Variants in RALGPS1 observed in about 807,000 individuals in gnomAD.
RALGPS1 encodes Ral GEF with PH domain and SH3 binding motif 1, also known as ras-specific guanine nucleotide-releasing factor RalGPS1.
Under a neutral mutation model 78.8 loss-of-function variants are expected in RALGPS1, and 19 were observed. That is an observed-to-expected ratio of 0.24 (90% CI 0.17 to 0.35). The LOEUF is 0.35. Ranked by LOEUF, RALGPS1 falls within the 10% of genes least tolerant of loss-of-function variation. The pLI is 1.00. For missense variants in RALGPS1, 454 were observed against 688.3 expected (o/e 0.66, Z 3.81); for synonymous variants, 228 against 256.3 (o/e 0.89, Z 1.06).
chr9:127,025,942 A>G (rs1295206357), intron 4 of RALGPS1, among the ~76,000 whole-genome samples: 1 of 152,144 alleles, frequency 6.6e-6, no homozygotes, highest in Non-Finnish European at 1.5e-5. Context: ...GGGCTCAAGC[A>G]GTCCTCCTGC....
chr9:126,994,539 CA>C (rs2042561339), intron 4 of RALGPS1, among the ~76,000 whole-genome samples: 1 of 145,880 alleles, frequency 6.9e-6, no homozygotes, highest in South Asian at 2.2e-4. Context: ...GTGAAAAGAC[CA>C]AATCTACGTC....
chr9:127,105,238 A>G (rs2054107608), intron 8 of RALGPS1, among the ~76,000 whole-genome samples: 1 of 152,212 alleles, frequency 6.6e-6, no homozygotes, highest in Non-Finnish European at 1.5e-5. Flanking sequence ...ATAAATTCTA[A>G]TGCATTCCAG....
At chr9:127,201,962 C>T (rs536579217) in intron 14 of RALGPS1, among the ~76,000 whole-genome samples, 126 of 152,306 alleles carry the variant, frequency 8.3e-4, no homozygotes, top group African/African-American at 3.0e-3. Flanking sequence ...CAGGGGAGGC[C>T]TGGGCCACGC....
At chr9:127,099,596 G>A (rs749028665) in intron 8 of RALGPS1, among the ~76,000 whole-genome samples, 37 of 152,344 alleles carry the variant, frequency 2.4e-4, no homozygotes, top group Admixed American at 5.2e-4. Flanking sequence ...GATGGGGTGT[G>A]AGGGGTGGCT....
chr9:127,037,839 C>T (rs2134806015), intron 5 of RALGPS1, among the ~76,000 whole-genome samples: 1 of 152,354 alleles, frequency 6.6e-6, no homozygotes. Context: ...GATCTAATCA[C>T]TGTGACCAGG....
At chr9:127,200,920 CATTCTTTCACTCGCTT>C in intron 14 of RALGPS1, among the ~76,000 whole-genome samples, 1 of 152,252 alleles carries the variant, frequency 6.6e-6, no homozygotes, top group South Asian at 2.1e-4. Flanking sequence ...TTGATTGATT[CATTCTTTCACTCGCTT>C]ATTCCTTCAT....
chr9:127,173,844 C>T (rs1004536816), intron 10 of RALGPS1, among the ~76,000 whole-genome samples: 4 of 152,166 alleles, frequency 2.6e-5, no homozygotes, highest in African/African-American at 9.7e-5. Flanking sequence ...GAAACCCCAC[C>T]TCTACTAAAA....
chr9:126,971,407 A>G (rs548285218), intron 3 of RALGPS1, among the ~76,000 whole-genome samples: 13 of 152,292 alleles, frequency 8.5e-5, no homozygotes, highest in African/African-American at 3.1e-4. Flanking sequence ...AGGAAAAAAA[A>G]TTATTTGGGC....
At chr9:127,134,167 G>C (rs967367545) in intron 8 of RALGPS1, among the ~76,000 whole-genome samples, 9 of 152,100 alleles carry the variant, frequency 5.9e-5, no homozygotes, top group Admixed American at 2.0e-4. Context: ...ACACACAGGG[G>C]GGGTCTCTCC....
At chr9:127,201,079 T>A (rs1042402174) in intron 14 of RALGPS1, among the ~76,000 whole-genome samples, 20 of 152,072 alleles carry the variant, frequency 1.3e-4, no homozygotes, top group African/African-American at 4.3e-4. Flanking sequence ...GGAAGGAGGG[T>A]GGTGAGAAAG....
intron 8 of RALGPS1, among the ~76,000 whole-genome samples, chr9:127,086,196 G>T (rs1248802293): frequency 6.6e-6 from 1 of 152,166 alleles, no homozygotes; most frequent in Non-Finnish European, 1.5e-5. Context: ...TCTAACTGCA[G>T]CTTTACTAGA....
At chr9:127,159,486 G>A (rs1289713246) in intron 8 of RALGPS1, among the ~76,000 whole-genome samples, 1 of 152,240 alleles carries the variant, frequency 6.6e-6, no homozygotes, top group Non-Finnish European at 1.5e-5. Flanking sequence ...CACCTGCCAT[G>A]TGACTGCCTG....
intron 8 of RALGPS1, among the ~76,000 whole-genome samples, chr9:127,083,826 G>C (rs1020153161): frequency 3.9e-5 from 6 of 152,216 alleles, no homozygotes; most frequent in African/African-American, 1.4e-4. Context: ...AGACAGTCCA[G>C]TGTAGTAATT....
At chr9:126,987,388 C>T (rs1215424475) in intron 4 of RALGPS1, among the ~76,000 whole-genome samples, 1 of 152,122 alleles carries the variant, frequency 6.6e-6, no homozygotes, top group South Asian at 2.1e-4. Flanking sequence ...AATGAATAAC[C>T]CTTTGGAAAG....
intron 8 of RALGPS1, among the ~76,000 whole-genome samples, chr9:127,074,871 C>A (rs951780390): frequency 1.3e-5 from 2 of 152,228 alleles, no homozygotes; most frequent in African/African-American, 4.8e-5. Context: ...TTCCTACACA[C>A]CCTTGTGGTT....
intron 8 of RALGPS1, among the ~76,000 whole-genome samples, chr9:127,153,242 G>GC (rs1421365974): frequency 6.6e-6 from 1 of 152,132 alleles, no homozygotes; most frequent in Non-Finnish European, 1.5e-5. Context: ...CAGGGGGAGA[G>GC]CAGATGAATG....
At chr9:127,194,979 C>A in intron 11 of RALGPS1, 112 bp from the exon 12 acceptor site, 1 of 1,305,838 alleles carries the variant, frequency 7.7e-7, no homozygotes, top group Non-Finnish European at 1.1e-6. Flanking sequence ...GACAGCTGGG[C>A]CAGTTGCTGT....
intron 14 of RALGPS1, among the ~76,000 whole-genome samples, chr9:127,200,850 A>G (rs1450173839): frequency 1.3e-5 from 2 of 152,266 alleles, no homozygotes; most frequent in African/African-American, 4.8e-5. Flanking sequence ...ATGAGAAGAC[A>G]TCAAATGGCA....
chr9:126,966,298 G>A (rs1028802273), intron 3 of RALGPS1, among the ~76,000 whole-genome samples: 1 of 152,112 alleles, frequency 6.6e-6, no homozygotes, highest in Non-Finnish European at 1.5e-5. Context: ...GTAGGAGGAT[G>A]GCTTGAGCCC....
Sources: allele counts gnomAD v4.1 joint callset (sites outside exome capture counted in the v4.1 genomes callset), GRCh38; gene constraint gnomAD v4.1.1; transcripts MANE v1.5; gene names NCBI Gene and HGNC (gene_info 2026-07-23, HGNC 2026-07-21).